The following TSHZ2 variants were observed in gnomAD, a reference collection of about 807,000 sequenced individuals.
The protein encoded by TSHZ2 is teashirt zinc finger homeobox 2.
Under a neutral mutation model 74.4 loss-of-function variants are expected in TSHZ2, and 21 were observed. That is an observed-to-expected ratio of 0.28 (90% CI 0.20 to 0.41). The LOEUF is 0.41. Among genes scored for constraint, TSHZ2 ranks in the 10% least tolerant of loss-of-function variants. The pLI is 1.00. For synonymous variants in TSHZ2, 540 were observed against 515.3 expected, an observed-to-expected ratio of 1.05 and a Z score of -0.65; for missense variants, 1,244 against 1,293.5, an observed-to-expected ratio of 0.96 and a Z score of 0.59.
intron 2 of TSHZ2, among the ~76,000 whole-genome samples, chr20:53,434,894 C>A (rs1272557855): frequency 6.6e-6 from 1 of 152,256 alleles, no homozygotes; most frequent in African/African-American, 2.4e-5. Context: ...CGGGCCTCAG[C>A]TCCTCGAGCG....
At chr20:53,101,299 C>T (rs1270166598) in intron 1 of TSHZ2, among the ~76,000 whole-genome samples, 2 of 152,142 alleles carry the variant, frequency 1.3e-5, no homozygotes, top group African/African-American at 4.8e-5. Context: ...TTCAGATCGT[C>T]ACCAAAATTA....
At chr20:53,073,629 A>G (rs1214034624) in intron 1 of TSHZ2, among the ~76,000 whole-genome samples, 1 of 152,196 alleles carries the variant, frequency 6.6e-6, no homozygotes, top group East Asian at 1.9e-4. Context: ...TAACAATGAA[A>G]TTATTATTTT....
At chr20:53,307,821 C>T (rs1978608819) in intron 2 of TSHZ2, among the ~76,000 whole-genome samples, 1 of 152,150 alleles carries the variant, frequency 6.6e-6, no homozygotes, top group African/African-American at 2.4e-5. Flanking sequence ...CTAATGTGAT[C>T]TGGGCGGCTC....
intron 2 of TSHZ2, among the ~76,000 whole-genome samples, chr20:53,266,352 C>A (rs1369457536): frequency 1.3e-5 from 2 of 152,124 alleles, no homozygotes; most frequent in Admixed American, 6.6e-5. Context: ...TGCGCTCTGC[C>A]CCACGCCCAG....
At chr20:53,217,668 ACTT>A (rs1989467338) in intron 1 of TSHZ2, among the ~76,000 whole-genome samples, 1 of 152,150 alleles carries the variant, frequency 6.6e-6, no homozygotes, top group African/African-American at 2.4e-5. Context: ...TAACGTCAGA[ACTT>A]CTCAGAAGGC....
chr20:53,489,129 G>A lies in TSHZ2; in HGVS notation c.*1994G>A, dbSNP rs1986378755. 1 of 456,256 alleles carries A rather than the reference G, an allele frequency of 2.2e-6. No individual in the cohort carries two copies. 28.3% of individuals were successfully genotyped at this position (456,256 alleles called of 1,614,324 possible). A position where few individuals can be genotyped will look rare whatever the true frequency, so the allele number is the denominator to read the frequency against. ...TCACCCACAAGGAAAAATAGCAACAGTACAACGGGGTGGCTTTTATGGGAT... is the reference window on the plus strand; with the variant it reads ...TCACCCACAAGGAAAAATAGCAACAATACAACGGGGTGGCTTTTATGGGAT... On this transcript the variant is annotated 3_prime_UTR_variant, in exon 3 of 3. Transcript: ENST00000371497.
intron 1 of TSHZ2, among the ~76,000 whole-genome samples, chr20:53,062,945 G>T (rs997624637): frequency 2.6e-5 from 4 of 151,972 alleles, no homozygotes; most frequent in Non-Finnish European, 4.4e-5. Context: ...GCCATGGCAG[G>T]GTTATTAATT....
intron 1 of TSHZ2, among the ~76,000 whole-genome samples, chr20:53,027,111 TAC>T (rs1020232194): frequency 1.4e-5 from 1 of 71,350 alleles, no homozygotes; most frequent in African/African-American, 1.0e-4. Context: ...CATATTCTAA[TAC>T]AAAAAAAAAA....
intron 1 of TSHZ2, among the ~76,000 whole-genome samples, chr20:53,071,116 T>C (rs1050288468): frequency 1.3e-5 from 2 of 152,190 alleles, no homozygotes; most frequent in Non-Finnish European, 2.9e-5. Context: ...GAGAATTTTT[T>C]CTCAGAATAA....
intron 1 of TSHZ2, among the ~76,000 whole-genome samples, chr20:53,224,043 GA>G (rs1189498079): frequency 9.2e-5 from 14 of 152,222 alleles, no homozygotes; most frequent in Admixed American, 9.2e-4. Flanking sequence ...ATCATTGAGG[GA>G]AAACAGGGGA....
Position 53,457,242 on chromosome 20 carries a change from A to G in TSHZ2, c.*9-29902A>G, listed in dbSNP as rs1292428635. On this transcript the variant is annotated intron_variant, in intron 2 of 2. Transcript: ENST00000371497. ...ATCCTCTTTTATTTCTTTGAGCAGC[A>G]GTTTGTAGTTCTCCTTGAAGAGGTC... Among the ~76,000 whole-genome samples, 55 of 145,438 alleles carry G rather than the reference A, an allele frequency of 3.8e-4. 1 individual carries two copies. Among genetic ancestry groups the G allele is most frequent in the East Asian group, 1.3e-3 (6 of 4,796 alleles).
intron 2 of TSHZ2, among the ~76,000 whole-genome samples, chr20:53,415,403 G>T (rs1040601175): frequency 6.6e-6 from 1 of 152,020 alleles, no homozygotes. Context: ...TCTCCACTGG[G>T]GCCCCAGGCC....
At chr20:53,320,794 G>T (rs527239680) in intron 2 of TSHZ2, among the ~76,000 whole-genome samples, 2 of 152,216 alleles carry the variant, frequency 1.3e-5, no homozygotes, top group Non-Finnish European at 2.9e-5. Context: ...AGAGACTGAA[G>T]TAGAAGGGGT....
At chr20:53,447,795 T>C (rs1164691979) in intron 2 of TSHZ2, among the ~76,000 whole-genome samples, 2 of 152,222 alleles carry the variant, frequency 1.3e-5, no homozygotes, top group Non-Finnish European at 1.5e-5. Flanking sequence ...AATGATGTGC[T>C]CTCTCCTCGG....
chr20:53,099,789 A>C (rs1986164295), intron 1 of TSHZ2, among the ~76,000 whole-genome samples: 1 of 152,236 alleles, frequency 6.6e-6, no homozygotes, highest in East Asian at 1.9e-4. Context: ...TGCCCCCATG[A>C]TTCAATTGTC....
At chr20:53,263,741 T>C (rs1990651147) in intron 2 of TSHZ2, among the ~76,000 whole-genome samples, 1 of 152,114 alleles carries the variant, frequency 6.6e-6, no homozygotes, top group Admixed American at 6.5e-5. Flanking sequence ...GTGTTCTTTG[T>C]CCCCTCTCCC....
chr20:53,242,349 A>G (rs1990091129), intron 1 of TSHZ2, among the ~76,000 whole-genome samples: 1 of 152,194 alleles, frequency 6.6e-6, no homozygotes, highest in Non-Finnish European at 1.5e-5. Context: ...ATGGTGACCC[A>G]GCTGACTCCT....
At chr20:53,115,873 A>C (rs1043621853) in intron 1 of TSHZ2, among the ~76,000 whole-genome samples, 2 of 152,136 alleles carry the variant, frequency 1.3e-5, no homozygotes, top group African/African-American at 4.8e-5. Flanking sequence ...TTAAAATTAG[A>C]AATTATGGTT....
intron 1 of TSHZ2, among the ~76,000 whole-genome samples, chr20:53,159,541 A>G (rs1037610035): frequency 1.9e-4 from 29 of 152,204 alleles, no homozygotes; most frequent in African/African-American, 6.5e-4. Context: ...CAAAGAGAAT[A>G]AGTTATAGTT....
Sources: gnomAD v4.1 joint callset for allele counts (sites outside exome capture counted in the v4.1 genomes callset) on GRCh38, gnomAD v4.1.1 for gene constraint, MANE v1.5 for transcripts, NCBI Gene and HGNC (gene_info 2026-07-23, HGNC 2026-07-21) for gene names.